Variants in NELL2 observed in about 807,000 individuals in gnomAD.
The protein encoded by NELL2 is protein kinase C-binding protein NELL2.
NELL2 carries 41 observed loss-of-function variants against 109.6 expected under a neutral mutation model. That is an observed-to-expected ratio of 0.37 (90% CI 0.29 to 0.49). The LOEUF is 0.49. NELL2 is among the 20% of genes least tolerant of loss of function. The pLI, the probability that NELL2 is intolerant of heterozygous loss-of-function variation, is 0.98. For synonymous variants in NELL2, 355 were observed against 344.7 expected, an observed-to-expected ratio of 1.03 and a Z score of -0.33; for missense variants, 900 against 1,008.3, an observed-to-expected ratio of 0.89 and a Z score of 1.45.
chr12:44,713,868 A>G (rs879697159), intron 10 of NELL2, among the ~76,000 whole-genome samples: 3 of 151,950 alleles, frequency 2.0e-5, no homozygotes, highest in Non-Finnish European at 2.9e-5. Flanking sequence ...TTAATTTTCT[A>G]CATAATTTAT....
upstream of NELL2, among the ~76,000 whole-genome samples, chr12:44,881,120 G>C (rs1364529286): frequency 2.6e-5 from 4 of 151,938 alleles, no homozygotes; most frequent in African/African-American, 9.7e-5. Context: ...ATTCTAAAGA[G>C]TCAATCGCCT....
At chr12:44,727,943 G>T (rs1022702990) in intron 9 of NELL2, among the ~76,000 whole-genome samples, 1 of 151,940 alleles carries the variant, frequency 6.6e-6, no homozygotes, top group Admixed American at 6.6e-5. Context: ...CTTCAGTGAT[G>T]CTATTATATA....
chr12:44,781,605 A>G (rs1941962400), intron 3 of NELL2, among the ~76,000 whole-genome samples: 1 of 152,146 alleles, frequency 6.6e-6, no homozygotes, highest in Non-Finnish European at 1.5e-5. Context: ...CCATATCATA[A>G]TTAATCTTCT....
upstream of NELL2, among the ~76,000 whole-genome samples, chr12:44,879,440 T>A (rs1945386280): frequency 6.6e-6 from 1 of 152,112 alleles, no homozygotes; most frequent in South Asian, 2.1e-4. Context: ...GATCCCTTCC[T>A]ACCATATACA....
rs145297893 is a variant in NELL2, at chr12:44,526,706, G to A, written c.1805-3222C>T. 2.2e-3 allele frequency among the ~76,000 whole-genome samples: 342 copies of A among 152,362 alleles called. 6 individuals are homozygous for A. The highest frequency in any genetic ancestry group is 7.8e-3 in the African/African-American group (323 of 41,580). On this transcript the variant is annotated intron_variant, in intron 16 of 19. Transcript: ENST00000429094. ...TTCTGGCGTGGAAAATATGGTTGAC[G>A]TTATTTATGGAAAGAAGAGCAAGAT... is the stretch of plus-strand genomic sequence containing the variant.
chr12:44,757,101 G>A (rs1269831941), intron 9 of NELL2, among the ~76,000 whole-genome samples: 1 of 152,114 alleles, frequency 6.6e-6, no homozygotes, highest in African/African-American at 2.4e-5. Flanking sequence ...CTTTGCACAA[G>A]TCTGAAATAT....
At chr12:44,668,673 C>T (rs577431434) in intron 12 of NELL2, among the ~76,000 whole-genome samples, 15 of 152,216 alleles carry the variant, frequency 9.9e-5, no homozygotes, top group Non-Finnish European at 2.1e-4. Flanking sequence ...TACACGCACA[C>T]TATCCAGGGA....
At chr12:44,821,658 C>A (rs1327432825) in intron 2 of NELL2, among the ~76,000 whole-genome samples, 2 of 152,012 alleles carry the variant, frequency 1.3e-5, no homozygotes, top group African/African-American at 4.8e-5. Context: ...TAAATCAAGT[C>A]AAAGAAACTA....
intron 15 of NELL2, among the ~76,000 whole-genome samples, chr12:44,541,250 C>CAAAAAAAAAAAAAAAAAAAAA (rs3071951): frequency 2.5e-5 from 2 of 78,888 alleles, no homozygotes; most frequent in Non-Finnish European, 2.3e-5. Flanking sequence ...GACTCCATCT[C>CAAAAAAAAAAAAAAAAAAAAA]AAAAAAAAAA....
chr12:44,568,751 T>G (rs74385371), intron 15 of NELL2, among the ~76,000 whole-genome samples: 6 of 152,078 alleles, frequency 3.9e-5, no homozygotes, highest in African/African-American at 1.2e-4. Context: ...TATATATATA[T>G]ACATTACACA....
At chr12:44,646,291 TTAA>T (rs1473375788) in intron 13 of NELL2, among the ~76,000 whole-genome samples, 2 of 152,166 alleles carry the variant, frequency 1.3e-5, no homozygotes, top group Non-Finnish European at 2.9e-5. Flanking sequence ...GGTCACACAG[TTAA>T]TAAGCTGCAT....
chr12:44,641,619 T>C (rs1454831120), intron 13 of NELL2, among the ~76,000 whole-genome samples: 1 of 150,160 alleles, frequency 6.7e-6, no homozygotes, highest in Non-Finnish European at 1.5e-5. Context: ...GATTTTGGCA[T>C]CCGAAAACCT....
At chr12:44,880,801 T>G (rs1945402469), upstream of NELL2, 1 of 151,910 alleles carries the variant, frequency 6.6e-6, no homozygotes, top group African/African-American at 2.4e-5. Flanking sequence ...GAGTTTGAAG[T>G]ACTACCATAC....
chr12:44,542,544 G>A (rs1942623635), intron 15 of NELL2, among the ~76,000 whole-genome samples: 1 of 152,098 alleles, frequency 6.6e-6, no homozygotes, highest in South Asian at 2.1e-4. Flanking sequence ...TAGAGAAAGG[G>A]TCTTTGAAGA....
chr12:44,686,769 C>G, intron 12 of NELL2, among the ~76,000 whole-genome samples: 1 of 152,196 alleles, frequency 6.6e-6, no homozygotes, highest in Non-Finnish European at 1.5e-5. Flanking sequence ...GCAGTCTGTC[C>G]GTTCTCAGAT....
intron 15 of NELL2, among the ~76,000 whole-genome samples, chr12:44,559,632 T>A (rs1430756414): frequency 6.6e-6 from 1 of 152,166 alleles, no homozygotes; most frequent in Non-Finnish European, 1.5e-5. Context: ...GAGCTACCTA[T>A]CCTAAATATA....
intron 9 of NELL2, among the ~76,000 whole-genome samples, chr12:44,744,369 C>T (rs1378139988): frequency 6.6e-6 from 1 of 151,764 alleles, no homozygotes; most frequent in Non-Finnish European, 1.5e-5. Context: ...AAATTGACAC[C>T]CTAACATCAC....
At chr12:44,733,142 C>T (rs1597498) in intron 9 of NELL2, among the ~76,000 whole-genome samples, 11,402 of 151,918 alleles carry the variant, frequency 0.075, 1,381 homozygotes, top group African/African-American at 0.26. Context: ...CAGAAAACAG[C>T]ATAGAGGTTC....
In NELL2 at chr12:44,580,191, C is replaced by G. The variant is rs575060254; in HGVS notation, c.1663+26978G>C. Among the ~76,000 whole-genome samples, 3 of 152,214 alleles carry G rather than the reference C, an allele frequency of 2.0e-5. No homozygotes were observed. In the South Asian group the frequency reaches 6.2e-4, roughly 32 times the overall value. On this transcript the variant is annotated intron_variant, in intron 15 of 19. Transcript: ENST00000429094. ...TTAACTTGTAGTAGAGACTCCTACT[C>G]TGGTATAACCTTCTTAACTGTGTAA...
Sources: gnomAD v4.1 joint callset for allele counts (sites outside exome capture counted in the v4.1 genomes callset) on GRCh38, gnomAD v4.1.1 for gene constraint, MANE v1.5 for transcripts, NCBI Gene and HGNC (gene_info 2026-07-23, HGNC 2026-07-21) for gene names.